Variants in GNG12 observed in about 807,000 individuals in gnomAD.
GNG12 encodes guanine nucleotide-binding protein G(I)/G(S)/G(O) subunit gamma-12.
For synonymous variants in GNG12, 28 were observed against 29.7 expected, an observed-to-expected ratio of 0.94 and a Z score of 0.19; for missense variants, 69 against 83.8, an observed-to-expected ratio of 0.82 and a Z score of 0.69.
At chr1:67,801,559 TGAG>T (rs899170313) in intron 1 of GNG12, among the ~76,000 whole-genome samples, 2 of 152,146 alleles carry the variant, frequency 1.3e-5, no homozygotes, top group Non-Finnish European at 2.9e-5. Flanking sequence ...GACGGTAACA[TGAG>T]TACATTCGTG....
intron 1 of GNG12, among the ~76,000 whole-genome samples, chr1:67,825,376 G>A (rs1056911931): frequency 6.6e-6 from 1 of 152,166 alleles, no homozygotes; most frequent in Admixed American, 6.5e-5. Flanking sequence ...TCCGAAGTAT[G>A]AACCAGCACC....
chr1:67,722,749 A>G (rs1646363128), intron 2 of GNG12, among the ~76,000 whole-genome samples: 1 of 152,184 alleles, frequency 6.6e-6, no homozygotes, highest in Non-Finnish European at 1.5e-5. Flanking sequence ...TGTGGGGAAA[A>G]TGATTGAGCA....
chr1:67,715,793 G>A (rs1200330491), intron 2 of GNG12, among the ~76,000 whole-genome samples: 1 of 152,220 alleles, frequency 6.6e-6, no homozygotes, highest in East Asian at 1.9e-4. Context: ...TGTTTGCTGT[G>A]ACTGAACCTT....
At chr1:67,770,861 G>A (rs1014381280) in intron 2 of GNG12, among the ~76,000 whole-genome samples, 5 of 152,214 alleles carry the variant, frequency 3.3e-5, no homozygotes, top group African/African-American at 1.2e-4. Flanking sequence ...ACTGGAGGGG[G>A]AAGTGGCCCT....
intron 2 of GNG12, among the ~76,000 whole-genome samples, chr1:67,721,209 TTTCC>T (rs1345565994): frequency 6.6e-6 from 1 of 152,134 alleles, no homozygotes; most frequent in African/African-American, 2.4e-5. Context: ...TGAGAGAATA[TTTCC>T]AAACAACTTA....
chr1:67,729,010 T>C (rs148856926), intron 2 of GNG12, among the ~76,000 whole-genome samples: 151 of 152,326 alleles, frequency 9.9e-4, no homozygotes, highest in Non-Finnish European at 1.6e-3. Flanking sequence ...GAAGAACTCT[T>C]TGAACAAGTC....
At chr1:67,807,264 T>C (rs768137845) in intron 1 of GNG12, among the ~76,000 whole-genome samples, 19 of 151,850 alleles carry the variant, frequency 1.3e-4, no homozygotes, top group Non-Finnish European at 2.5e-4. Context: ...TAATCAAAAC[T>C]TATGGGATGA....
At chr1:67,735,201 T>C (rs1477673932) in intron 2 of GNG12, among the ~76,000 whole-genome samples, 1 of 152,212 alleles carries the variant, frequency 6.6e-6, no homozygotes, top group Non-Finnish European at 1.5e-5. Flanking sequence ...ATGGGTTCCA[T>C]GCCATGTATT....
chr1:67,704,867 T>C lies in GNG12; in HGVS notation c.*584A>G, dbSNP rs1310075353. 1 of 152,278 alleles carries C rather than the reference T, an allele frequency of 6.6e-6. No individual in the cohort carries two copies. The highest frequency in any genetic ancestry group is 1.5e-5 in the Non-Finnish European group (1 of 68,030). The allele number at this position is 152,278 out of a possible 1,614,324, so 9.4% of individuals were successfully genotyped here. On this transcript the variant is annotated 3_prime_UTR_variant, in exon 4 of 4. Transcript: ENST00000370982. ...CAATAACGATATGAAAGGAATTTTT[T>C]ATTCTACCTATACACAGCTCAAAAT...
At chr1:67,709,820 A>G (rs1646270931) in intron 2 of GNG12, among the ~76,000 whole-genome samples, 1 of 130,834 alleles carries the variant, frequency 7.6e-6, no homozygotes, top group Non-Finnish European at 1.6e-5. Flanking sequence ...AGATATATAT[A>G]TATATAAATA....
chr1:67,800,910 A>G (rs2458036), intron 1 of GNG12, among the ~76,000 whole-genome samples: 111,372 of 152,076 alleles, frequency 0.73, 40,940 homozygotes, highest in Middle Eastern at 0.8. Context: ...TTTAAAAAGT[A>G]TTTAATAAAT....
intron 2 of GNG12, among the ~76,000 whole-genome samples, chr1:67,764,498 A>G (rs1485603928): frequency 6.6e-6 from 1 of 152,202 alleles, no homozygotes; most frequent in Non-Finnish European, 1.5e-5. Flanking sequence ...TAATAATGAA[A>G]GCCTGAAAAT....
At chr1:67,830,130 C>T (rs1647034840) in intron 1 of GNG12, among the ~76,000 whole-genome samples, 1 of 151,910 alleles carries the variant, frequency 6.6e-6, no homozygotes, top group South Asian at 2.1e-4. Context: ...CTCAGCATCC[C>T]GAGTAGCTGG....
At chr1:67,760,491 C>T (rs546360122) in intron 2 of GNG12, among the ~76,000 whole-genome samples, 3 of 152,154 alleles carry the variant, frequency 2.0e-5, no homozygotes, top group East Asian at 3.9e-4. Flanking sequence ...GGCTGATGGA[C>T]GGGTGATGTG....
chr1:67,723,445 C>G (rs1012009639), intron 2 of GNG12, among the ~76,000 whole-genome samples: 1 of 152,138 alleles, frequency 6.6e-6, no homozygotes, highest in Non-Finnish European at 1.5e-5. Context: ...ACCAAGAAAA[C>G]AGAAGAATGT....
At chr1:67,761,344 T>C (rs943697152) in intron 2 of GNG12, among the ~76,000 whole-genome samples, 1 of 152,226 alleles carries the variant, frequency 6.6e-6, no homozygotes, top group Non-Finnish European at 1.5e-5. Flanking sequence ...TGCTCTAAAA[T>C]AGTTTAAAAG....
chr1:67,719,894 G>A (rs1297516303), intron 2 of GNG12, among the ~76,000 whole-genome samples: 1 of 152,206 alleles, frequency 6.6e-6, no homozygotes, highest in East Asian at 1.9e-4. Context: ...GACTAATGTG[G>A]AGAATGAGGC....
chr1:67,742,339 T>C (rs889467985), intron 2 of GNG12, among the ~76,000 whole-genome samples: 2 of 152,206 alleles, frequency 1.3e-5, no homozygotes, highest in African/African-American at 4.8e-5. Context: ...TTAATAAATA[T>C]ATGTTGGTAT....
intron 2 of GNG12, among the ~76,000 whole-genome samples, chr1:67,759,834 TA>T (rs1646370488): frequency 6.6e-6 from 1 of 152,194 alleles, no homozygotes; most frequent in Admixed American, 6.5e-5. Flanking sequence ...CAGTCATGTA[TA>T]AAACACTCTG....
Sources: allele counts gnomAD v4.1 joint callset (sites outside exome capture counted in the v4.1 genomes callset), GRCh38; gene constraint gnomAD v4.1.1; transcripts MANE v1.5; gene names NCBI Gene and HGNC (gene_info 2026-07-23, HGNC 2026-07-21).